The following ACACB variants were observed in gnomAD, a reference collection of about 807,000 sequenced individuals.
ACACB encodes acetyl-CoA carboxylase 2.
A neutral mutation model predicts 278.8 loss-of-function variants in ACACB; 209 were observed. The ratio of observed to expected loss-of-function variants is 0.75; its 90% CI spans 0.67 to 0.84. The LOEUF (loss-of-function observed/expected upper bound fraction) is 0.84, where lower values mean the gene tolerates loss of function less well. Ranked by LOEUF, ACACB falls within the 40% of genes least tolerant of loss-of-function variation. The probability of loss-of-function intolerance (pLI) is 0.00; values close to 1 mark genes in which losing one functional copy is unlikely to be tolerated. For missense variants in ACACB, 2,850 were observed against 3,269.0 expected (o/e 0.87, Z 3.13); for synonymous variants, 1,174 against 1,285.6 (o/e 0.91, Z 1.86).
chr12:109,114,855 C>A (rs531853710), upstream of ACACB, among the ~76,000 whole-genome samples: 52 of 151,944 alleles, frequency 3.4e-4, no homozygotes, highest in Non-Finnish European at 6.9e-4. Context: ...GATCCTATTT[C>A]TAAAACAAAA....
intron 13 of ACACB, among the ~76,000 whole-genome samples, chr12:109,189,816 T>G (rs2044799995): frequency 6.6e-6 from 1 of 152,118 alleles, no homozygotes; most frequent in Non-Finnish European, 1.5e-5. Flanking sequence ...CTGCAAGACA[T>G]GAAAGCTTAC....
chr12:109,192,387 G>A (rs754877637), intron 15 of ACACB, among the ~76,000 whole-genome samples: 11 of 152,092 alleles, frequency 7.2e-5, no homozygotes, highest in Non-Finnish European at 1.5e-4. Context: ...AGGATAGGCC[G>A]GGGTTTCTCA....
chr12:109,207,853 AT>A (rs1406763072), intron 20 of ACACB, among the ~76,000 whole-genome samples: 2 of 151,620 alleles, frequency 1.3e-5, no homozygotes, highest in East Asian at 3.9e-4. Context: ...TAATTTTTGT[AT>A]TTTTTAGTAG....
chr12:109,117,733 G>A (rs956055516), intron 1 of ACACB, among the ~76,000 whole-genome samples: 3 of 152,192 alleles, frequency 2.0e-5, no homozygotes, highest in Non-Finnish European at 4.4e-5. Context: ...GCCCAGGACC[G>A]GGGAATTCCC....
intron 1 of ACACB, among the ~76,000 whole-genome samples, chr12:109,118,151 C>T (rs2042453338): frequency 6.6e-6 from 1 of 152,134 alleles, no homozygotes; most frequent in African/African-American, 2.4e-5. Context: ...TGGAAAGACC[C>T]AGCCAATCCT....
At position 109,166,938 on chromosome 12, in the gene ACACB, TG is replaced by T. The variant is rs2043927278; in HGVS notation, c.733del (p.Ala245LeufsTer29). The T allele has an allele frequency of 6.2e-7, 1 of 1,613,830 alleles. No individual in the cohort carries two copies. Among genetic ancestry groups the T allele is most frequent in the South Asian group, 1.1e-5 (1 of 91,064 alleles). ...KKLDLHRDFT[V>X]ASPAEFVTRF... is the part of the protein sequence containing the mutation. ...CTGGACCTGCACAGAGACTTTACCG[TG>T]GCTTCTCCCGCTGAGTTTGTCACAC... On this transcript the variant is annotated frameshift_variant, in exon 3 of 53. Coordinates refer to ENST00000338432, the MANE Select transcript of ACACB (RefSeq NM_001093.4). LOFTEE classifies it high-confidence loss of function.
intron 2 of ACACB, among the ~76,000 whole-genome samples, chr12:109,141,774 G>C (rs2043131231): frequency 6.6e-6 from 1 of 152,312 alleles, no homozygotes; most frequent in Middle Eastern, 3.4e-3. Context: ...AAGAGTGTTT[G>C]AGTTTCTAGA....
chr12:109,259,267 T>C (rs190901086), intron 47 of ACACB, among the ~76,000 whole-genome samples, 159 bp downstream of exon 47: 6 of 152,118 alleles, frequency 3.9e-5, no homozygotes, highest in African/African-American at 1.4e-4. Flanking sequence ...GGTGCCCCAC[T>C]ACCCCGTTTT....
chr12:109,256,110 C>G (rs1475718801), intron 44 of ACACB, 30 bp from the exon 45 acceptor site: 2 of 1,599,136 alleles, frequency 1.3e-6, no homozygotes, highest in African/African-American at 2.7e-5. Context: ...CCTGGCCCTC[C>G]AGCCTGGGCT....
intron 45 of ACACB, among the ~76,000 whole-genome samples, chr12:109,256,881 T>C (rs962474606): frequency 6.6e-6 from 1 of 152,224 alleles, no homozygotes; most frequent in African/African-American, 2.4e-5. Flanking sequence ...AGGATTATTG[T>C]GATGATTAGA....
intron 11 of ACACB, among the ~76,000 whole-genome samples, chr12:109,181,840 C>CTTTTTTTTTTTTTTTTTTTTTTT (rs34174568): frequency 1.2e-5 from 1 of 81,550 alleles, no homozygotes; most frequent in Non-Finnish European, 2.1e-5. Flanking sequence ...TTTTCCTTTC[C>CTTTTTTTTTTTTTTTTTTTTTTT]TTTTTTTTTT....
intron 19 of ACACB, among the ~76,000 whole-genome samples, chr12:109,204,611 T>A (rs183524304): frequency 6.6e-6 from 1 of 151,940 alleles, no homozygotes; most frequent in African/African-American, 2.4e-5. Context: ...CTAACTGGAT[T>A]TTTGTACCCG....
intron 27 of ACACB, among the ~76,000 whole-genome samples, chr12:109,227,021 G>A (rs1453997187): frequency 6.6e-6 from 1 of 151,786 alleles, no homozygotes; most frequent in African/African-American, 2.4e-5. Flanking sequence ...TGCTATCATA[G>A]CTCATTGCAG....
chr12:109,214,722 C>G (rs1315440434), intron 22 of ACACB, among the ~76,000 whole-genome samples: 5 of 151,784 alleles, frequency 3.3e-5, no homozygotes, highest in Non-Finnish European at 7.3e-5. Context: ...CGTCTACTTC[C>G]CCACAACTCA....
upstream of ACACB, among the ~76,000 whole-genome samples, chr12:109,115,384 T>C (rs973597815): frequency 6.6e-6 from 1 of 152,200 alleles, no homozygotes; most frequent in Non-Finnish European, 1.5e-5. Flanking sequence ...TTCATGAAGT[T>C]AGAAGCCTAA....
chr12:109,171,703 G>T, intron 4 of ACACB, 102 bp from the exon 5 acceptor site: 1 of 856,094 alleles, frequency 1.2e-6, no homozygotes, highest in South Asian at 1.6e-5. Flanking sequence ...AAATCTGCAT[G>T]GTTCTGCTTT....
Position 109,199,383 on chromosome 12 carries a change from G to C in ACACB, c.2628-19G>C, listed in dbSNP as rs7299171. 0.57 allele frequency: 832,481 copies of C among 1,451,368 alleles called. 241,287 individuals are homozygous for C. Among genetic ancestry groups the C allele is most frequent in the African/African-American group, 0.7 (48,675 of 69,064 alleles). The allele number at this position is 1,451,368 out of a possible 1,614,324, so 89.9% of individuals were successfully genotyped here. A position where few individuals can be genotyped will look rare whatever the true frequency, so the allele number is the denominator to read the frequency against. On this transcript the variant is annotated intron_variant, in intron 17 of 52. Transcript: ENST00000338432. The stretch of plus-strand genomic sequence containing the variant: ...GTAGTCCTCATCAGTCTCCCTACCC[G>C]ACTCCTCCTCTCTCCCAGTTACCGA...
At chr12:109,198,191 C>T (rs1158603344) in intron 17 of ACACB, among the ~76,000 whole-genome samples, 1 of 152,122 alleles carries the variant, frequency 6.6e-6, no homozygotes, top group Non-Finnish European at 1.5e-5. Context: ...AGCCACTGCA[C>T]CCTGCCTGTT....
chr12:109,185,825 C>A (rs1593496117), intron 12 of ACACB, 85 bp downstream of exon 12: 14 of 1,370,034 alleles, frequency 1.0e-5, no homozygotes, highest in Non-Finnish European at 8.8e-6. Context: ...GGAAGAGACA[C>A]CCACAAGCTA....
Sources: gnomAD v4.1 joint callset for allele counts (sites outside exome capture counted in the v4.1 genomes callset) on GRCh38, gnomAD v4.1.1 for gene constraint, MANE v1.5 for transcripts, NCBI Gene and HGNC (gene_info 2026-07-23, HGNC 2026-07-21) for gene names.